Variants in POLR2B observed in about 807,000 individuals in gnomAD.
The protein encoded by POLR2B is DNA-directed RNA polymerase II subunit RPB2.
A neutral mutation model predicts 144.6 loss-of-function variants in POLR2B; 57 were observed. That is an observed-to-expected ratio of 0.39 (90% CI 0.32 to 0.49). The LOEUF is 0.49. Ranked by LOEUF, POLR2B falls within the 20% of genes least tolerant of loss-of-function variation. POLR2B has a pLI of 0.83. For synonymous variants in POLR2B, 442 were observed against 469.8 expected, an observed-to-expected ratio of 0.94 and a Z score of 0.77; for missense variants, 595 against 1,467.4, an observed-to-expected ratio of 0.41 and a Z score of 9.71.
At chr4:57,006,027 T>C (rs1723009139) in intron 9 of POLR2B, among the ~76,000 whole-genome samples, 1 of 152,184 alleles carries the variant, frequency 6.6e-6, no homozygotes, top group Non-Finnish European at 1.5e-5. Flanking sequence ...TCCTGCTTTG[T>C]ACACATATAT....
chr4:56,985,312 C>T (rs1051500804), intron 1 of POLR2B: 192 of 985,228 alleles, frequency 1.9e-4, no homozygotes, highest in Non-Finnish European at 2.2e-4. Flanking sequence ...TCAGCTCCTG[C>T]GAGGAGGCGG....
At chr4:57,001,604 A>G (rs576865005) in intron 7 of POLR2B, among the ~76,000 whole-genome samples, 20 of 152,312 alleles carry the variant, frequency 1.3e-4, no homozygotes, top group African/African-American at 4.8e-4. Context: ...AAAATACTTA[A>G]GTAATATTAT....
chr4:56,990,973 T>A, intron 3 of POLR2B, 75 bp downstream of exon 3: 1 of 1,298,028 alleles, frequency 7.7e-7, no homozygotes, highest in Non-Finnish European at 1.0e-6. Flanking sequence ...CTTACCTGGC[T>A]TAAAGGTTAA....
At chr4:56,994,922 G>A in intron 5 of POLR2B, 56 bp downstream of exon 5, 9 of 808,392 alleles carry the variant, frequency 1.1e-5, no homozygotes, top group Admixed American at 5.9e-5. Context: ...TTAGTTTAAA[G>A]TTGAAATGAA....
At chr4:56,984,026 G>A (rs1042510761) in intron 1 of POLR2B, among the ~76,000 whole-genome samples, 2 of 150,842 alleles carry the variant, frequency 1.3e-5, no homozygotes, top group Non-Finnish European at 3.0e-5. Flanking sequence ...CACCATGCCT[G>A]GCTAATTTTT....
intron 14 of POLR2B, among the ~76,000 whole-genome samples, chr4:57,016,354 C>A (rs1723364659): frequency 1.3e-5 from 2 of 151,774 alleles, no homozygotes; most frequent in Admixed American, 1.3e-4. Context: ...CAAGACCAGT[C>A]TGGGCAACAT....
intron 1 of POLR2B, among the ~76,000 whole-genome samples, chr4:56,980,692 C>CA (rs1290208267): frequency 1.1e-4 from 17 of 151,440 alleles, no homozygotes; most frequent in Non-Finnish European, 1.9e-4. Context: ...GACCTTGTCT[C>CA]AAAAAAAACA....
chr4:57,003,290 C>T (rs752185439), intron 7 of POLR2B, among the ~76,000 whole-genome samples: 9 of 152,044 alleles, frequency 5.9e-5, no homozygotes, highest in African/African-American at 2.2e-4. Flanking sequence ...ATTAGCTGGG[C>T]ATGGTGGTGT....
chr4:57,025,776 G>C (rs753060185), intron 23 of POLR2B, among the ~76,000 whole-genome samples: 1 of 151,944 alleles, frequency 6.6e-6, no homozygotes, highest in Non-Finnish European at 1.5e-5. Flanking sequence ...GCAGTGGCAT[G>C]CCCACAGCTC....
intron 10 of POLR2B, among the ~76,000 whole-genome samples, chr4:57,007,438 C>T (rs571844140): frequency 6.6e-6 from 1 of 152,026 alleles, no homozygotes; most frequent in Non-Finnish European, 1.5e-5. Flanking sequence ...AAAAAACTTA[C>T]TGGGGACTTT....
chr4:56,989,837 G>T (rs9997621), intron 2 of POLR2B, among the ~76,000 whole-genome samples: 14,453 of 152,132 alleles, frequency 0.095, 893 homozygotes, highest in African/African-American at 0.17. Flanking sequence ...GATCTGTTGA[G>T]ATCCTCTTGC....
Position 57,005,296 on chromosome 4 carries a change from A to G in POLR2B, c.951A>G (p.Ala317=), listed in dbSNP as rs765219159. The change falls in exon 8 of 25, where the codon GCA becomes GCG. Residue 317 remains alanine (A), a synonymous_variant. Coordinates refer to ENST00000314595, the MANE Select transcript of POLR2B (RefSeq NM_000938.3). The part of the protein sequence containing the change: ...EAFVIQEQNV[A]LNFIGSRGAK... ...TTGTCATCCAAGAACAGAATGTTGC[A>G]CTAAATTTCATTGGTTCAAGAGGAG... is the stretch of plus-strand genomic sequence containing the variant. The G allele has an allele frequency of 6.3e-7, 1 of 1,599,722 alleles. No individual in the cohort carries two copies. The highest frequency in any genetic ancestry group is 1.1e-5 in the South Asian group (1 of 87,124).
At chr4:57,016,805 G>C (rs1019947236) in intron 14 of POLR2B, among the ~76,000 whole-genome samples, 3 of 149,256 alleles carry the variant, frequency 2.0e-5, no homozygotes, top group Non-Finnish European at 4.4e-5. Context: ...TAACAGTTAG[G>C]TGTGTATTCT....
chr4:57,006,186 T>C (rs890621280), intron 9 of POLR2B, among the ~76,000 whole-genome samples: 2 of 152,248 alleles, frequency 1.3e-5, no homozygotes, highest in Non-Finnish European at 2.9e-5. Context: ...AAATGAAATA[T>C]GTAGACAGTA....
At chr4:57,024,154 T>A in intron 21 of POLR2B, 42 bp downstream of exon 21, 1 of 1,067,826 alleles carries the variant, frequency 9.4e-7, no homozygotes, top group Non-Finnish European at 1.4e-6. Context: ...AAGCTGATGC[T>A]TCTTCTAAAA....
chr4:57,004,017 A>C (rs10029737), intron 7 of POLR2B, among the ~76,000 whole-genome samples: 1 of 130,460 alleles, frequency 7.7e-6, no homozygotes, highest in African/African-American at 2.8e-5. Flanking sequence ...ATTTAAATTA[A>C]ATCTTTTTTT....
In POLR2B at chr4:57,025,014, A is replaced by C. The variant is rs373264035; in HGVS notation, c.3078+15A>C. 39 of 1,268,738 alleles carry C rather than the reference A, an allele frequency of 3.1e-5. No individual in the cohort carries two copies. The Middle Eastern group carries it at 5.6e-4, about 18-fold the overall frequency. The allele number at this position is 1,268,738 out of a possible 1,614,324, so 78.6% of individuals were successfully genotyped here. On this transcript the variant is annotated intron_variant, in intron 22 of 24. Transcript: ENST00000314595. ...GAGGAAATGAGGTATATTTGCTCTT[A>C]TAGTAGTAATTTGCCACTTGTTTTT...
intron 7 of POLR2B, among the ~76,000 whole-genome samples, chr4:57,000,923 T>C (rs1437545546): frequency 6.6e-6 from 1 of 152,040 alleles, no homozygotes; most frequent in Non-Finnish European, 1.5e-5. Context: ...CTCAAACCCC[T>C]GACCTCAGGT....
At chr4:56,995,609 G>T (rs758460973) in intron 6 of POLR2B, among the ~76,000 whole-genome samples, 200 bp downstream of exon 6, 2 of 152,204 alleles carry the variant, frequency 1.3e-5, no homozygotes, top group Non-Finnish European at 2.9e-5. Flanking sequence ...AGGAATCTGG[G>T]TGTAGCTTAG....
Sources: gnomAD v4.1 joint callset for allele counts (sites outside exome capture counted in the v4.1 genomes callset) on GRCh38, gnomAD v4.1.1 for gene constraint, MANE v1.5 for transcripts, NCBI Gene and HGNC (gene_info 2026-07-23, HGNC 2026-07-21) for gene names.